Variants in MAGI1 observed in about 807,000 individuals in gnomAD.
The protein encoded by MAGI1 is membrane-associated guanylate kinase, WW and PDZ domain-containing protein 1.
Under a neutral mutation model 139.9 loss-of-function variants are expected in MAGI1, and 58 were observed. The observed-to-expected ratio is 0.41, with a 90% CI of 0.34 to 0.52. The LOEUF is 0.52. MAGI1 is among the 20% of genes least tolerant of loss of function. The probability of loss-of-function intolerance (pLI) is 0.12; values close to 1 mark genes in which losing one functional copy is unlikely to be tolerated. For missense variants in MAGI1, 1,874 were observed against 1,901.6 expected, an observed-to-expected ratio of 0.99 and a Z score of 0.27; for synonymous variants, 812 against 737.9, an observed-to-expected ratio of 1.10 and a Z score of -1.63.
intron 1 of MAGI1, among the ~76,000 whole-genome samples, chr3:65,795,041 C>G (rs527283668): frequency 6.6e-6 from 1 of 152,218 alleles, no homozygotes; most frequent in African/African-American, 2.4e-5. Flanking sequence ...AAATCAAAAA[C>G]AGTGACGACA....
At chr3:65,646,337 C>A (rs192825201) in intron 1 of MAGI1, among the ~76,000 whole-genome samples, 1 of 151,830 alleles carries the variant, frequency 6.6e-6, no homozygotes, top group African/African-American at 2.4e-5. Flanking sequence ...GGTCAACCCA[C>A]CAAGAAAACA....
At chr3:65,633,398 G>A (rs2084423934) in intron 1 of MAGI1, among the ~76,000 whole-genome samples, 1 of 152,204 alleles carries the variant, frequency 6.6e-6, no homozygotes. Flanking sequence ...TGAGTGTGAT[G>A]TGAGAGAGAG....
chr3:65,855,927 G>A (rs1455986021), intron 1 of MAGI1, among the ~76,000 whole-genome samples: 1 of 151,862 alleles, frequency 6.6e-6, no homozygotes, highest in East Asian at 2.0e-4. Context: ...GGCACCCCTG[G>A]CTCTGGCCTG....
At chr3:65,923,085 A>C (rs145554280) in intron 1 of MAGI1, among the ~76,000 whole-genome samples, 9 of 152,140 alleles carry the variant, frequency 5.9e-5, no homozygotes, top group African/African-American at 2.2e-4. Context: ...CTGCAATTTG[A>C]CTCCAAGATC....
At chr3:65,620,655 A>G (rs2083615017) in intron 2 of MAGI1, among the ~76,000 whole-genome samples, 1 of 152,224 alleles carries the variant, frequency 6.6e-6, no homozygotes, top group Non-Finnish European at 1.5e-5. Context: ...TACAGTTTAT[A>G]ACTTCAATGC....
At chr3:65,815,173 G>C (rs927536892) in intron 1 of MAGI1, among the ~76,000 whole-genome samples, 1 of 152,116 alleles carries the variant, frequency 6.6e-6, no homozygotes. Context: ...ATGATTCAAG[G>C]GACTGAATAG....
In MAGI1 at chr3:65,379,356, T is replaced by C. The variant is rs746069792; in HGVS notation, c.2900A>G (p.Gln967Arg). Residue 967 changes from glutamine to arginine, a missense_variant, in exon 17 of 23, where the codon CAG becomes CGG. Gln to Arg is a conservative substitution (Grantham distance 43). Around this residue, in one of 5 missense-constraint regions of MAGI1, gnomAD observed 482 missense variants for 509.6 expected, o/e 0.95. Transcript: ENST00000402939. ...GGSGVVSTVV[Q>R]PYDVEIRRGE... ...GCGCCGGATCTCCACGTCGTAGGGC[T>C]GCACCACGGTGCTGACCACGCCGCT... 2 of 1,613,222 alleles carry C rather than the reference T, an allele frequency of 1.2e-6. No homozygotes were observed. The highest frequency in any genetic ancestry group is 1.1e-5 in the South Asian group (1 of 90,970).
At chr3:65,439,788 G>A (rs982441384) in intron 9 of MAGI1, 91 bp downstream of exon 9, 63 of 1,584,242 alleles carry the variant, frequency 4.0e-5, no homozygotes, top group South Asian at 3.8e-4. Context: ...CTCAATCATC[G>A]AGGCCAGTTC....
intron 1 of MAGI1, among the ~76,000 whole-genome samples, chr3:65,847,067 T>G (rs2108370330): frequency 6.6e-6 from 1 of 150,790 alleles, no homozygotes; most frequent in South Asian, 2.1e-4. Context: ...TACCCTGAAG[T>G]TCGGTACTTA....
chr3:65,706,568 A>G (rs1236607605), intron 1 of MAGI1, among the ~76,000 whole-genome samples: 16 of 152,224 alleles, frequency 1.1e-4, no homozygotes. Flanking sequence ...ACTGTGCCAA[A>G]TAAGGACAGA....
At chr3:65,733,589 G>T (rs890392587) in intron 1 of MAGI1, among the ~76,000 whole-genome samples, 4 of 152,166 alleles carry the variant, frequency 2.6e-5, no homozygotes, top group Non-Finnish European at 5.9e-5. Flanking sequence ...CACACAATGA[G>T]AGTCATCCTA....
intron 2 of MAGI1, among the ~76,000 whole-genome samples, chr3:65,570,088 T>C (rs374473818): frequency 0.082 from 11,909 of 145,514 alleles, 616 homozygotes; most frequent in Admixed American, 0.13. Context: ...TTATTATTAT[T>C]ATTATTATTA....
chr3:65,957,978 C>CT (rs1374981698), intron 1 of MAGI1, among the ~76,000 whole-genome samples: 1 of 152,054 alleles, frequency 6.6e-6, no homozygotes, highest in Non-Finnish European at 1.5e-5. Context: ...AGGCTGGTCT[C>CT]TAACTCTTGA....
chr3:65,882,793 G>C (rs1183433868), intron 1 of MAGI1, among the ~76,000 whole-genome samples: 1 of 151,880 alleles, frequency 6.6e-6, no homozygotes. Flanking sequence ...AAATTAGCCA[G>C]GCATGGTGGT....
At chr3:65,784,608 G>A (rs1416172511) in intron 1 of MAGI1, among the ~76,000 whole-genome samples, 1 of 152,206 alleles carries the variant, frequency 6.6e-6, no homozygotes, top group Non-Finnish European at 1.5e-5. Flanking sequence ...GGGAGGCTGA[G>A]GCAGGAGAAT....
At chr3:65,944,337 ACT>A (rs1476755498) in intron 1 of MAGI1, among the ~76,000 whole-genome samples, 2 of 152,048 alleles carry the variant, frequency 1.3e-5, no homozygotes, top group East Asian at 3.9e-4. Flanking sequence ...ACATAGCGAG[ACT>A]CTATCTCTAC....
intron 2 of MAGI1, among the ~76,000 whole-genome samples, chr3:65,611,104 G>C (rs972679863): frequency 8.9e-5 from 12 of 135,334 alleles, no homozygotes; most frequent in Non-Finnish European, 1.7e-4. Context: ...ATAATATATA[G>C]TATATTATAT....
At chr3:65,784,927 T>G (rs1337296608) in intron 1 of MAGI1, among the ~76,000 whole-genome samples, 1 of 152,224 alleles carries the variant, frequency 6.6e-6, no homozygotes, top group East Asian at 1.9e-4. Context: ...AAGAGATTTG[T>G]GGCTACCTAG....
chr3:66,023,990 T>C (rs2068095172), intron 1 of MAGI1, among the ~76,000 whole-genome samples: 1 of 152,224 alleles, frequency 6.6e-6, no homozygotes, highest in Admixed American at 6.5e-5. Flanking sequence ...TGTCACCAGC[T>C]GGGCCTCAAA....
Sources: gnomAD v4.1 joint callset for allele counts (sites outside exome capture counted in the v4.1 genomes callset) on GRCh38, gnomAD v4.1.1 for gene constraint, gnomAD v4.1.1 regional missense constraint, MANE v1.5 for transcripts, NCBI Gene and HGNC (gene_info 2026-07-23, HGNC 2026-07-21) for gene names.